The following MTR variants were observed in gnomAD, a reference collection of about 807,000 sequenced individuals.
The protein encoded by MTR is methionine synthase.
Under a neutral mutation model 154.8 loss-of-function variants are expected in MTR, and 84 were observed. That is an observed-to-expected ratio of 0.54 (90% confidence interval 0.45 to 0.65). MTR has a LOEUF of 0.65. Among genes scored for constraint, MTR ranks in the 30% least tolerant of loss-of-function variants. The pLI is 0.00. For missense variants in MTR, 1,275 were observed against 1,570.2 expected (o/e 0.81, Z 3.18); for synonymous variants, 554 against 553.9 (o/e 1.00, Z 0.00).
chr1:236,850,476 C>T lies in MTR; in HGVS notation c.1648C>T (p.His550Tyr). 1 of 1,613,662 alleles carries T rather than the reference C, an allele frequency of 6.2e-7. No individual in the cohort carries two copies. Residue 550 changes from histidine (H) to tyrosine (Y), a missense_variant, in exon 16 of 33, where the codon CAC becomes TAC. His to Tyr is a moderately conservative substitution (Grantham distance 83). Transcript: ENST00000366577. ...AACCATTGGGACTGGAATGGAGGAACACAACTTGTATGCCATTAATTTTAT... is the reference window on the plus strand; with the variant it reads ...AACCATTGGGACTGGAATGGAGGAATACAACTTGTATGCCATTAATTTTAT... Reference protein sequence around the residue: ...ILTIGTGMEEHNLYAINFIHA... With the variant: ...ILTIGTGMEEYNLYAINFIHA...
intron 24 of MTR, among the ~76,000 whole-genome samples, chr1:236,877,978 A>G (rs1330969138): frequency 6.6e-6 from 1 of 152,110 alleles, no homozygotes; most frequent in Non-Finnish European, 1.5e-5. Context: ...TCATTTATAT[A>G]TTGACCATTT....
At chr1:236,829,428 G>GT (rs1299000915) in intron 12 of MTR, among the ~76,000 whole-genome samples, 160 bp downstream of exon 12, 1 of 152,164 alleles carries the variant, frequency 6.6e-6, no homozygotes, top group Non-Finnish European at 1.5e-5. Context: ...AGAACCCTTT[G>GT]TTTTTCCAGG....
chr1:236,824,242 A>G, intron 9 of MTR, 23 bp downstream of exon 9: 1 of 1,543,558 alleles, frequency 6.5e-7, no homozygotes, highest in South Asian at 1.1e-5. Flanking sequence ...AGGGGGTCAC[A>G]CATGGGGAGA....
chr1:236,795,972 G>C (rs1251756405), intron 1 of MTR, among the ~76,000 whole-genome samples: 1 of 152,098 alleles, frequency 6.6e-6, no homozygotes, highest in East Asian at 1.9e-4. Context: ...CCTGCAAAAA[G>C]CGTCCTCCCC....
At chr1:236,895,857 G>GACA (rs1379961357) in intron 31 of MTR, among the ~76,000 whole-genome samples, 12 of 152,184 alleles carry the variant, frequency 7.9e-5, no homozygotes, top group Non-Finnish European at 1.6e-4. Flanking sequence ...CACAGGCATG[G>GACA]TGATGTCTTT....
Position 236,853,039 on chromosome 1 carries a change from T to C in MTR, c.1904T>C (p.Ile635Thr). 1.2e-6 allele frequency: 2 copies of C among 1,613,832 alleles called. No homozygotes were observed. Among genetic ancestry groups the C allele is most frequent in the Non-Finnish European group, 1.7e-6 (2 of 1,179,888 alleles). The change falls in exon 18 of 33, where the codon ATC (isoleucine) becomes ACC (threonine). Residue 635 changes from isoleucine to threonine, a missense_variant. Physicochemically the swap from Ile to Thr is moderately conservative, Grantham distance 89. Coordinates refer to ENST00000366577, the MANE Select transcript of MTR (RefSeq NM_000254.3). ...CTTCTGCAGCTCTGTGAAGATCTCA[T>C]CTGGAATAAAGACCCTGAGGCCACT... is the stretch of plus-strand genomic sequence containing the variant. ...KELLQLCEDL[I>T]WNKDPEATEK... is the part of the protein sequence containing the mutation.
intron 14 of MTR, among the ~76,000 whole-genome samples, chr1:236,836,293 G>GCT (rs1662901722): frequency 1.3e-5 from 2 of 151,310 alleles, no homozygotes; most frequent in East Asian, 3.9e-4. Flanking sequence ...GCAGGGTTTT[G>GCT]CTCTGTGGCC....
intron 4 of MTR, 55 bp from the exon 5 acceptor site, chr1:236,810,448 G>A (rs568809992): frequency 5.4e-5 from 76 of 1,416,190 alleles, no homozygotes; most frequent in South Asian, 1.6e-4. Context: ...ATTCATTCAC[G>A]ACAAAAAATG....
chr1:236,889,449 G>A (rs746830747), intron 28 of MTR, 113 bp downstream of exon 28: 9 of 1,433,700 alleles, frequency 6.3e-6, no homozygotes, highest in African/African-American at 2.8e-5. Context: ...GATTACGGCT[G>A]CTTTCATATT....
chr1:236,835,434 G>A (rs1482116457), intron 13 of MTR, 113 bp from the exon 14 acceptor site: 2 of 1,340,580 alleles, frequency 1.5e-6, no homozygotes, highest in African/African-American at 1.4e-5. Flanking sequence ...GGAGTCTGGC[G>A]AGGTAGTCTG....
At chr1:236,835,767 A>G (rs773310748) in intron 14 of MTR, 80 bp downstream of exon 14, 15 of 1,577,338 alleles carry the variant, frequency 9.5e-6, no homozygotes, top group Middle Eastern at 3.3e-4. Context: ...TTGTCCCATT[A>G]ATCTGTGAAC....
chr1:236,816,990 C>A (rs943770727), intron 8 of MTR, among the ~76,000 whole-genome samples: 1 of 152,144 alleles, frequency 6.6e-6, no homozygotes, highest in Non-Finnish European at 1.5e-5. Context: ...AGGAGAGGAT[C>A]TCTTAAGGCC....
chr1:236,854,970 T>C (rs1313886969), intron 18 of MTR, among the ~76,000 whole-genome samples: 3 of 152,204 alleles, frequency 2.0e-5, no homozygotes, highest in African/African-American at 2.4e-5. Flanking sequence ...GGGCTTCTTA[T>C]AAGCCACTGA....
At chr1:236,886,253 C>G (rs1292883913) in intron 26 of MTR, 39 bp from the exon 27 acceptor site, 1 of 1,551,928 alleles carries the variant, frequency 6.4e-7, no homozygotes, top group African/African-American at 1.4e-5. Flanking sequence ...TGTAGAAAAG[C>G]TAAGAGTGTC....
chr1:236,801,786 TC>T (rs1360286627), intron 1 of MTR, among the ~76,000 whole-genome samples: 1 of 152,208 alleles, frequency 6.6e-6, no homozygotes, highest in African/African-American at 2.4e-5. Flanking sequence ...ATGTATTCAG[TC>T]TGATATGCTA....
intron 18 of MTR, among the ~76,000 whole-genome samples, chr1:236,858,204 C>T (rs1380939051): frequency 1.3e-5 from 2 of 152,162 alleles, no homozygotes; most frequent in Non-Finnish European, 2.9e-5. Context: ...CACGGTTCCA[C>T]GTGGCTGGGG....
chr1:236,860,009 A>G, intron 19 of MTR, 87 bp downstream of exon 19: 1 of 1,102,748 alleles, frequency 9.1e-7, no homozygotes, highest in Non-Finnish European at 1.3e-6. Flanking sequence ...TAGCTGGAGA[A>G]GGAGATGCCT....
chr1:236,841,489 AC>A (rs750583092), intron 15 of MTR, among the ~76,000 whole-genome samples: 12 of 152,170 alleles, frequency 7.9e-5, no homozygotes, highest in Non-Finnish European at 1.8e-4. Context: ...CTGTCATACT[AC>A]TTTTTTGAAG....
At chr1:236,839,207 G>A (rs953682448) in intron 15 of MTR, among the ~76,000 whole-genome samples, 4 of 152,098 alleles carry the variant, frequency 2.6e-5, no homozygotes, top group Non-Finnish European at 5.9e-5. Context: ...TGTGCATTTG[G>A]AAGAAAATAA....
Sources: allele counts gnomAD v4.1 joint callset (sites outside exome capture counted in the v4.1 genomes callset), GRCh38; gene constraint gnomAD v4.1.1; transcripts MANE v1.5; gene names NCBI Gene and HGNC (gene_info 2026-07-23, HGNC 2026-07-21).